Variants in UNC5D observed in about 807,000 individuals in gnomAD.
UNC5D encodes unc-5 netrin receptor D.
In UNC5D, 39 loss-of-function variants were observed where a neutral mutation model predicts 105.4. That is an observed-to-expected ratio of 0.37 (90% confidence interval 0.29 to 0.48). The LOEUF (loss-of-function observed/expected upper bound fraction) is 0.48, where lower values mean the gene tolerates loss of function less well. UNC5D is among the 20% of genes least tolerant of loss of function. The pLI is 0.98. For missense variants in UNC5D, 991 were observed against 1,202.4 expected, an observed-to-expected ratio of 0.82 and a Z score of 2.60; for synonymous variants, 452 against 450.4, an observed-to-expected ratio of 1.00 and a Z score of -0.04.
At position 35,515,004 on chromosome 8, in the gene UNC5D, G is replaced by C. The variant is rs72634936; in HGVS notation, c.104-34288G>C. Among the ~76,000 whole-genome samples the C allele has an allele frequency of 7.5e-3, 1,141 of 152,290 alleles. 10 individuals are homozygous for C. The highest frequency in any genetic ancestry group is 0.01 in the Non-Finnish European group (704 of 68,028). ...CTAATGAAACTACTACCTGATATCA[G>C]AGTCCAGCTTGCTAAACTGTCTATG... On this transcript the variant is annotated intron_variant, in intron 1 of 16. Coordinates refer to ENST00000404895, the MANE Select transcript of UNC5D (RefSeq NM_080872.4).
intron 8 of UNC5D, among the ~76,000 whole-genome samples, chr8:35,711,128 A>G (rs1157535885): frequency 6.7e-6 from 1 of 149,620 alleles, no homozygotes; most frequent in Non-Finnish European, 1.5e-5. Flanking sequence ...AAGGAAGTCT[A>G]GAGCACTTAA....
chr8:35,690,023 C>T (rs1826278830), intron 7 of UNC5D, among the ~76,000 whole-genome samples: 1 of 152,102 alleles, frequency 6.6e-6, no homozygotes, highest in Admixed American at 6.6e-5. Context: ...TGTTAAATAC[C>T]CCCATGAGTT....
chr8:35,519,469 T>A (rs1438002503), intron 1 of UNC5D, among the ~76,000 whole-genome samples: 2 of 152,142 alleles, frequency 1.3e-5, no homozygotes, highest in African/African-American at 4.8e-5. Context: ...CCCACTAGTT[T>A]GACCAGATAT....
chr8:35,295,160 A>C (rs1462854015), intron 1 of UNC5D, among the ~76,000 whole-genome samples: 1 of 152,154 alleles, frequency 6.6e-6, no homozygotes, highest in African/African-American at 2.4e-5. Flanking sequence ...TGTACCTTTT[A>C]AGTTTGTTTA....
chr8:35,332,626 C>T (rs1585605125), intron 1 of UNC5D, among the ~76,000 whole-genome samples: 1 of 152,226 alleles, frequency 6.6e-6, no homozygotes, highest in East Asian at 1.9e-4. Flanking sequence ...TAATTGTATG[C>T]AACCAACTAT....
intron 1 of UNC5D, among the ~76,000 whole-genome samples, chr8:35,238,876 A>G (rs578205777): frequency 6.6e-6 from 1 of 152,296 alleles, no homozygotes; most frequent in Non-Finnish European, 1.5e-5. Context: ...TCTAGCTCAT[A>G]AAGTTTAAAA....
intron 1 of UNC5D, among the ~76,000 whole-genome samples, chr8:35,248,895 T>A (rs1563248397): frequency 2.2e-5 from 2 of 90,492 alleles, no homozygotes; most frequent in African/African-American, 1.0e-4. Flanking sequence ...ATTATATAAA[T>A]ATATAATATA....
At chr8:35,338,934 G>C (rs1168969824) in intron 1 of UNC5D, among the ~76,000 whole-genome samples, 5 of 150,968 alleles carry the variant, frequency 3.3e-5, no homozygotes, top group Non-Finnish European at 7.4e-5. Flanking sequence ...ATGTACCTTG[G>C]GGCTGCTGTT....
chr8:35,415,366 C>G (rs1345165124), intron 1 of UNC5D, among the ~76,000 whole-genome samples: 3 of 152,074 alleles, frequency 2.0e-5, no homozygotes, highest in Non-Finnish European at 4.4e-5. Context: ...TGCAATCCAC[C>G]TGTTGTTTAT....
At chr8:35,624,658 C>T (rs1821592553) in intron 4 of UNC5D, among the ~76,000 whole-genome samples, 1 of 152,164 alleles carries the variant, frequency 6.6e-6, no homozygotes, top group Admixed American at 6.5e-5. Flanking sequence ...AATGATAGGT[C>T]TTTAAGAATG....
chr8:35,533,863 C>T (rs1249014057), intron 1 of UNC5D, among the ~76,000 whole-genome samples: 1 of 152,222 alleles, frequency 6.6e-6, no homozygotes. Flanking sequence ...TCCCTGACCC[C>T]TTGCGCTTCC....
At chr8:35,662,461 A>G (rs1398254778) in intron 4 of UNC5D, among the ~76,000 whole-genome samples, 1 of 152,190 alleles carries the variant, frequency 6.6e-6, no homozygotes, top group East Asian at 1.9e-4. Context: ...TGTGCAAAAA[A>G]CAAAGAAAAA....
chr8:35,677,391 C>T (rs1163629200), intron 4 of UNC5D, among the ~76,000 whole-genome samples: 1 of 152,114 alleles, frequency 6.6e-6, no homozygotes, highest in Non-Finnish European at 1.5e-5. Context: ...GGGTCTCGTA[C>T]CCAGCACCAC....
chr8:35,612,799 G>T (rs904998766), intron 4 of UNC5D, among the ~76,000 whole-genome samples: 5 of 127,572 alleles, frequency 3.9e-5, no homozygotes, highest in African/African-American at 1.6e-4. Context: ...AAGGTTTTGA[G>T]AAGGCCTATT....
At chr8:35,720,203 C>T (rs1828499448) in intron 8 of UNC5D, among the ~76,000 whole-genome samples, 1 of 152,172 alleles carries the variant, frequency 6.6e-6, no homozygotes, top group Non-Finnish European at 1.5e-5. Flanking sequence ...CATTTCCAGC[C>T]CAGGCGTCTT....
chr8:35,483,129 G>C (rs2579884), intron 1 of UNC5D, among the ~76,000 whole-genome samples: 37,683 of 151,614 alleles, frequency 0.25, 5,103 homozygotes, highest in African/African-American at 0.37. Flanking sequence ...AGGTGCTGTT[G>C]TTCATTCTCA....
At chr8:35,586,181 A>G (rs1219657713) in intron 3 of UNC5D, among the ~76,000 whole-genome samples, 1 of 152,088 alleles carries the variant, frequency 6.6e-6, no homozygotes, top group South Asian at 2.1e-4. Context: ...GGCTGAGACA[A>G]GACAATCACT....
At chr8:35,642,306 T>G (rs1348307774) in intron 4 of UNC5D, among the ~76,000 whole-genome samples, 1 of 152,186 alleles carries the variant, frequency 6.6e-6, no homozygotes, top group Non-Finnish European at 1.5e-5. Context: ...TCCCAGGCCT[T>G]GGGATCAAGA....
rs1489402879 is a variant in UNC5D, at chr8:35,722,344, T to C, written c.1252T>C (p.Ser418Pro). The change falls in exon 9 of 17, where the codon TCT (serine) becomes CCT (proline). Residue 418 changes from serine (S) to proline (P), a missense_variant. Ser to Pro is a moderately conservative substitution (Grantham distance 74). Around this residue, in one of 3 missense-constraint regions of UNC5D, gnomAD observed 944 missense variants for 1,131.6 expected, o/e 0.83. Transcript: ENST00000404895. ...SDYGVDVIDS[S>P]ALTGGFQTFN... ...CTATGGCGTGGACGTCATTGACTCT[T>C]CTGCATTGACAGGTGGCTTCCAGAC... 3.1e-6 allele frequency: 5 copies of C among 1,614,036 alleles called. No individual in the cohort carries two copies. Among genetic ancestry groups the C allele is most frequent in the Non-Finnish European group, 3.4e-6 (4 of 1,180,022 alleles).
Sources: gnomAD v4.1 joint callset for allele counts (sites outside exome capture counted in the v4.1 genomes callset) on GRCh38, gnomAD v4.1.1 for gene constraint, gnomAD v4.1.1 regional missense constraint, MANE v1.5 for transcripts, NCBI Gene and HGNC (gene_info 2026-07-23, HGNC 2026-07-21) for gene names.